The following SMYD3 variants were observed in gnomAD, a reference collection of about 807,000 sequenced individuals.
SMYD3 encodes the protein histone-lysine N-methyltransferase SMYD3.
A neutral mutation model predicts 57.7 loss-of-function variants in SMYD3; 36 were observed. That is an observed-to-expected ratio of 0.62 (90% CI 0.48 to 0.82). The LOEUF (loss-of-function observed/expected upper bound fraction) is 0.82. Ranked by LOEUF, SMYD3 falls within the 40% of genes least tolerant of loss-of-function variation. The probability of loss-of-function intolerance (pLI) is 0.00; values close to 1 mark genes in which losing one functional copy is unlikely to be tolerated. For missense variants in SMYD3, 515 were observed against 538.8 expected (o/e 0.96, Z 0.44); for synonymous variants, 211 against 195.0 (o/e 1.08, Z -0.68).
chr1:246,071,618 A>C (rs2060445428), intron 5 of SMYD3, among the ~76,000 whole-genome samples: 1 of 152,194 alleles, frequency 6.6e-6, no homozygotes, highest in African/African-American at 2.4e-5. Context: ...TTAAAAACAA[A>C]AAAGGCCTGA....
At chr1:246,363,115 C>T (rs1485575540) in intron 1 of SMYD3, among the ~76,000 whole-genome samples, 7 of 149,956 alleles carry the variant, frequency 4.7e-5, no homozygotes, top group South Asian at 2.1e-4. Context: ...CTGGCCGCCC[C>T]GTCTGAGAAG....
At chr1:246,014,180 G>A (rs533281288) in intron 5 of SMYD3, among the ~76,000 whole-genome samples, 4 of 152,262 alleles carry the variant, frequency 2.6e-5, no homozygotes, top group East Asian at 3.9e-4. Context: ...AAAGTTAGCC[G>A]GGCATGGTGG....
chr1:246,189,181 A>C (rs1406027245), intron 5 of SMYD3: 1 of 152,164 alleles, frequency 6.6e-6, no homozygotes, highest in Admixed American at 6.5e-5. Flanking sequence ...TAACTTCTTA[A>C]AGAGAAAGGT....
intron 8 of SMYD3, among the ~76,000 whole-genome samples, chr1:245,907,364 T>C (rs1270100306): frequency 6.6e-6 from 1 of 152,126 alleles, no homozygotes; most frequent in Non-Finnish European, 1.5e-5. Context: ...CCACAAATTT[T>C]TTAAAAAATA....
At chr1:246,312,327 T>C (rs2065093403) in intron 5 of SMYD3, among the ~76,000 whole-genome samples, 2 of 152,036 alleles carry the variant, frequency 1.3e-5, no homozygotes, top group South Asian at 2.1e-4. Flanking sequence ...TAAAAATGAA[T>C]TGAGACTCAG....
At chr1:246,178,487 G>A (rs1421597471) in intron 5 of SMYD3, among the ~76,000 whole-genome samples, 2 of 152,184 alleles carry the variant, frequency 1.3e-5, no homozygotes, top group Non-Finnish European at 2.9e-5. Context: ...GGCTCCACTC[G>A]AGTTACTTGC....
chr1:246,398,375 G>A (rs1309073567), intron 1 of SMYD3, among the ~76,000 whole-genome samples: 2 of 152,238 alleles, frequency 1.3e-5, no homozygotes, highest in Admixed American at 1.3e-4. Flanking sequence ...GGCAAGGACA[G>A]CCCGCCTGTG....
intron 10 of SMYD3, among the ~76,000 whole-genome samples, chr1:245,809,429 G>A (rs2048341506): frequency 6.6e-6 from 1 of 152,154 alleles, no homozygotes; most frequent in South Asian, 2.1e-4. Flanking sequence ...GAAAGCAGGA[G>A]AGGCGCTTTC....
At chr1:246,133,515 T>C (rs1240880250) in intron 5 of SMYD3, among the ~76,000 whole-genome samples, 3 of 152,144 alleles carry the variant, frequency 2.0e-5, no homozygotes, top group African/African-American at 4.8e-5. Context: ...CAGTTTTTAA[T>C]ATAGTTTTCC....
At chr1:246,179,899 A>T (rs2062506608) in intron 5 of SMYD3, among the ~76,000 whole-genome samples, 1 of 152,110 alleles carries the variant, frequency 6.6e-6, no homozygotes. Context: ...TCTGGGGCCC[A>T]TGTTCACCCT....
At chr1:245,991,145 A>AT in intron 5 of SMYD3, among the ~76,000 whole-genome samples, 1 of 152,214 alleles carries the variant, frequency 6.6e-6, no homozygotes, top group East Asian at 1.9e-4. Context: ...TTTCTTTCCT[A>AT]TATGTGGAAA....
At chr1:246,212,384 TCAAGAA>T (rs2063104018) in intron 5 of SMYD3, among the ~76,000 whole-genome samples, 1 of 152,146 alleles carries the variant, frequency 6.6e-6, no homozygotes, top group Admixed American at 6.5e-5. Flanking sequence ...ATTAGGGTAT[TCAAGAA>T]TATTTTATGA....
chr1:246,400,588 A>G (rs910324667), intron 1 of SMYD3, among the ~76,000 whole-genome samples: 4 of 152,184 alleles, frequency 2.6e-5, no homozygotes, highest in African/African-American at 9.7e-5. Flanking sequence ...TTAAGAAACA[A>G]TATTATGATT....
intron 5 of SMYD3, among the ~76,000 whole-genome samples, chr1:246,067,883 G>T (rs963325221): frequency 1.3e-5 from 2 of 152,078 alleles, no homozygotes; most frequent in Admixed American, 6.5e-5. Context: ...CAGGAAAACC[G>T]CAAATAGTTC....
At chr1:245,793,067 T>C (rs928162265) in intron 10 of SMYD3, among the ~76,000 whole-genome samples, 11 of 71,922 alleles carry the variant, frequency 1.5e-4, no homozygotes, top group Admixed American at 8.6e-4. Flanking sequence ...TCCCAGCACT[T>C]TGGGAGGCCG....
chr1:245,990,436 C>T (rs1171240157), intron 5 of SMYD3, among the ~76,000 whole-genome samples: 1 of 152,194 alleles, frequency 6.6e-6, no homozygotes, highest in Non-Finnish European at 1.5e-5. Flanking sequence ...CTGTCTCCTA[C>T]TCCTACTTCC....
chr1:246,205,041 TC>T (rs1223530541), intron 5 of SMYD3, among the ~76,000 whole-genome samples: 1 of 152,144 alleles, frequency 6.6e-6, no homozygotes, highest in Non-Finnish European at 1.5e-5. Context: ...TTGAACCCAC[TC>T]CGAACTACAC....
chr1:246,433,342 T>A (rs956017305), intron 1 of SMYD3, among the ~76,000 whole-genome samples: 1 of 152,176 alleles, frequency 6.6e-6, no homozygotes, highest in African/African-American at 2.4e-5. Flanking sequence ...AAACATTCCA[T>A]GCTCATGAAT....
chr1:245,804,570 A>G (rs1313593751), intron 10 of SMYD3, among the ~76,000 whole-genome samples: 2 of 152,224 alleles, frequency 1.3e-5, no homozygotes, highest in East Asian at 3.9e-4. Context: ...AACAAAAACA[A>G]AAACAAAAAA....
Sources: gnomAD v4.1 joint callset for allele counts (sites outside exome capture counted in the v4.1 genomes callset) on GRCh38, gnomAD v4.1.1 for gene constraint, MANE v1.5 for transcripts, NCBI Gene and HGNC (gene_info 2026-07-23, HGNC 2026-07-21) for gene names.